Variants in DMBT1 observed in about 807,000 individuals in gnomAD.
DMBT1 encodes the protein deleted in malignant brain tumors 1, also known as scavenger receptor cysteine-rich domain-containing protein DMBT1.
A neutral mutation model predicts 252.9 loss-of-function variants in DMBT1; 198 were observed. That is an observed-to-expected ratio of 0.78 (90% CI 0.70 to 0.88). The LOEUF (loss-of-function observed/expected upper bound fraction) is 0.88, where lower values mean the gene tolerates loss of function less well. DMBT1 is among the 40% of genes least tolerant of loss of function. The probability of loss-of-function intolerance (pLI) is 0.00; values close to 1 mark genes in which losing one functional copy is unlikely to be tolerated. For synonymous variants in DMBT1, 990 were observed against 942.7 expected (o/e 1.05, Z -0.92); for missense variants, 2,432 against 2,404.7 (o/e 1.01, Z -0.24).
In DMBT1 at chr10:122,599,108, A is replaced by C. The variant is rs749013359; in HGVS notation, c.3280+11A>C. ...GTGTCATCTGCTCAGGTGGGCCTTCAAGAACTTGGGATCACTCTCTTGGGG... is the reference window on the plus strand; with the variant it reads ...GTGTCATCTGCTCAGGTGGGCCTTCCAGAACTTGGGATCACTCTCTTGGGG... On this transcript the variant is annotated intron_variant, in intron 26 of 55. Coordinates refer to ENST00000338354, the MANE Select transcript of DMBT1 (RefSeq NM_001377530.1). The C allele has an allele frequency of 7.8e-5, 126 of 1,613,728 alleles. No homozygotes were observed. Among genetic ancestry groups the C allele is most frequent in the Non-Finnish European group, 9.5e-5 (112 of 1,179,774 alleles).
rs190843787 is a variant in DMBT1, at chr10:122,635,423, G to A, written c.6549-568G>A. Reference sequence around the variant, plus strand: ...CTTTCCTGATGTAAAGGGCTGACAGGTGAGGGGCTGTAGATTTCATATGTG... The same window carrying A: ...CTTTCCTGATGTAAAGGGCTGACAGATGAGGGGCTGTAGATTTCATATGTG... On this transcript the variant is annotated intron_variant, in intron 52 of 55. Coordinates refer to ENST00000338354, the MANE Select transcript of DMBT1 (RefSeq NM_001377530.1). Among the ~76,000 whole-genome samples the A allele has an allele frequency of 1.5e-4, 23 of 152,318 alleles. No homozygotes were observed. In the East Asian group the frequency reaches 1.7e-3, roughly 11 times the overall value.
intron 27 of DMBT1, among the ~76,000 whole-genome samples, chr10:122,600,460 A>C (rs1368978296): frequency 6.6e-6 from 1 of 152,212 alleles, no homozygotes; most frequent in African/African-American, 2.4e-5. Context: ...TGTTCAAGGC[A>C]TCATCAGGGC....
chr10:122,565,200 T>C (rs1480152559), intron 1 of DMBT1, among the ~76,000 whole-genome samples: 1 of 152,222 alleles, frequency 6.6e-6, no homozygotes, highest in Non-Finnish European at 1.5e-5. Context: ...GATGAAATAG[T>C]GAAATGCTTC....
intron 15 of DMBT1, 118 bp downstream of exon 15, chr10:122,585,427 G>A (rs995554679): frequency 9.2e-6 from 12 of 1,308,944 alleles, no homozygotes; most frequent in African/African-American, 5.6e-5. Context: ...GTCCCTGTGG[G>A]TTGCATGGGA....
chr10:122,621,830 A>C (rs914879983), intron 44 of DMBT1, among the ~76,000 whole-genome samples: 1 of 152,166 alleles, frequency 6.6e-6, no homozygotes, highest in Admixed American at 6.5e-5. Flanking sequence ...TTTGGATTGG[A>C]GGCATATGGG....
chr10:122,564,362 T>C (rs2097572165), intron 1 of DMBT1, among the ~76,000 whole-genome samples: 1 of 152,228 alleles, frequency 6.6e-6, no homozygotes, highest in Admixed American at 6.5e-5. Context: ...CCAGCTACTC[T>C]AGGGCTGGAG....
intron 10 of DMBT1, 111 bp downstream of exon 10, chr10:122,580,012 C>T (rs1489673880): frequency 1.9e-6 from 3 of 1,551,082 alleles, no homozygotes; most frequent in East Asian, 4.5e-5. Context: ...TTCTATGTTT[C>T]TGAAGACTTG....
rs991835701 is a variant in DMBT1, at chr10:122,590,526, C to T, written c.2108-139C>T. ...CTTTCAAGGAGCATCTTTGTGGGGA[C>T]GTGCATGGCAATGCCCCTCCCTCTG... On this transcript the variant is annotated intron_variant, in intron 17 of 55. Coordinates refer to ENST00000338354, the MANE Select transcript of DMBT1 (RefSeq NM_001377530.1). The T allele has an allele frequency of 1.8e-5, 19 of 1,056,396 alleles. 1 individual carries two copies. Among genetic ancestry groups the T allele is most frequent in the South Asian group, 4.2e-5 (3 of 71,112 alleles). The allele number at this position is 1,056,396 out of a possible 1,614,324, so 65.4% of individuals were successfully genotyped here. A position where few individuals can be genotyped will look rare whatever the true frequency, so the allele number is the denominator to read the frequency against.
Position 122,639,912 on chromosome 10 carries a change from C to A in DMBT1, c.6943-128C>A, listed in dbSNP as rs542609294. 17 of 1,144,674 alleles carry A rather than the reference C, an allele frequency of 1.5e-5. No homozygotes were observed. In the African/African-American group the frequency reaches 1.9e-4, roughly 13 times the overall value. The allele number at this position is 1,144,674 out of a possible 1,614,324, so 70.9% of individuals were successfully genotyped here. ...GGATAGGCACGTGCCATGGCCATCT[C>A]TGAGTGGTTCTGGGAGGGGTGGAAG... On this transcript the variant is annotated intron_variant, in intron 54 of 55. Coordinates refer to ENST00000338354, the MANE Select transcript of DMBT1 (RefSeq NM_001377530.1).
intron 7 of DMBT1, among the ~76,000 whole-genome samples, chr10:122,577,567 G>A (rs150361327): frequency 1.2e-3 from 186 of 152,274 alleles, no homozygotes; most frequent in Non-Finnish European, 2.0e-3. Flanking sequence ...GTTGTGGCCG[G>A]TCCCAGGCAC....
intron 7 of DMBT1, among the ~76,000 whole-genome samples, chr10:122,577,056 G>A (rs532473912): frequency 1.4e-3 from 219 of 152,314 alleles, no homozygotes; most frequent in Admixed American, 3.7e-3. Context: ...GAGCAGTGCC[G>A]CAACATTGGT....
intron 54 of DMBT1, among the ~76,000 whole-genome samples, chr10:122,638,590 C>T (rs894800691): frequency 3.3e-5 from 5 of 152,174 alleles, no homozygotes; most frequent in African/African-American, 1.2e-4. Flanking sequence ...TATAGGCATG[C>T]ACCACCACAC....
At chr10:122,572,249 C>A in intron 4 of DMBT1, 65 bp from the exon 5 acceptor site, 1 of 1,602,270 alleles carries the variant, frequency 6.2e-7, no homozygotes, top group Non-Finnish European at 8.5e-7. Flanking sequence ...CCTGAGGAAG[C>A]CATGGACCAA....
chr10:122,621,029 G>C, intron 43 of DMBT1, 28 bp from the exon 44 acceptor site: 1 of 1,612,176 alleles, frequency 6.2e-7, no homozygotes, highest in Non-Finnish European at 8.5e-7. Context: ...AATCAGTATG[G>C]ATGAAGGGTT....
rs952662245 is a variant in DMBT1 at position 122,561,640 on chromosome 10, C to T, written c.61+809C>T. On this transcript the variant is annotated intron_variant, in intron 1 of 55. Coordinates refer to ENST00000338354, the MANE Select transcript of DMBT1 (RefSeq NM_001377530.1). Reference sequence around the variant, plus strand: ...CATCTTTTCTCTCCCCTCTCTCTCCCTCTGTTTCTGTCTGTCTGTCTGTGT... The same window carrying T: ...CATCTTTTCTCTCCCCTCTCTCTCCTTCTGTTTCTGTCTGTCTGTCTGTGT... 3.5e-5 allele frequency among the ~76,000 whole-genome samples: 3 copies of T among 84,532 alleles called. No homozygotes were observed. In the South Asian group the frequency reaches 1.6e-3, roughly 46 times the overall value. The allele number at this position is 84,532 out of a possible 152,430, so 55.5% of individuals were successfully genotyped here.
At chr10:122,577,341 T>G (rs3013242) in intron 7 of DMBT1, among the ~76,000 whole-genome samples, 150,429 of 152,276 alleles carry the variant, frequency 0.99, 74,327 homozygotes, top group East Asian at 1. Flanking sequence ...AAGAGAGGCA[T>G]GGAAGTGGGG....
At chr10:122,562,447 G>A (rs1174813337) in intron 1 of DMBT1, among the ~76,000 whole-genome samples, 1 of 152,154 alleles carries the variant, frequency 6.6e-6, no homozygotes, top group African/African-American at 2.4e-5. Context: ...GAGGGACTGG[G>A]GGCCACCAGG....
chr10:122,568,272 G>A (rs1033834587), intron 2 of DMBT1, among the ~76,000 whole-genome samples: 1 of 152,138 alleles, frequency 6.6e-6, no homozygotes, highest in Non-Finnish European at 1.5e-5. Context: ...GATGATGTGG[G>A]GGGTAGGATG....
At chr10:122,637,105 C>T in intron 53 of DMBT1, 23 bp from the exon 54 acceptor site, 2 of 1,608,654 alleles carry the variant, frequency 1.2e-6, no homozygotes, top group Non-Finnish European at 1.7e-6. Flanking sequence ...TGACTGAGTG[C>T]CTTATCTGTC....
Sources: allele counts gnomAD v4.1 joint callset (sites outside exome capture counted in the v4.1 genomes callset), GRCh38; gene constraint gnomAD v4.1.1; transcripts MANE v1.5; gene names NCBI Gene and HGNC (gene_info 2026-07-23, HGNC 2026-07-21).